The following HR variants were observed in gnomAD, a reference collection of about 807,000 sequenced individuals.
The protein encoded by HR is HR lysine demethylase and nuclear receptor corepressor, also known as lysine-specific demethylase hairless.
A neutral mutation model predicts 128.6 loss-of-function variants in HR; 83 were observed. The observed-to-expected ratio is 0.65, with a 90% CI of 0.54 to 0.77. The LOEUF is 0.77. Ranked by LOEUF, HR falls within the 30% of genes least tolerant of loss-of-function variation. The pLI, the probability that HR is intolerant of heterozygous loss-of-function variation, is 0.00. For synonymous variants in HR, 681 were observed against 658.2 expected (o/e 1.03, Z -0.53); for missense variants, 1,490 against 1,574.6 (o/e 0.95, Z 0.91).
intron 3 of HR, among the ~76,000 whole-genome samples, chr8:22,126,440 G>A (rs911442905): frequency 2.0e-5 from 3 of 152,350 alleles, no homozygotes; most frequent in Non-Finnish European, 2.9e-5. Context: ...CACTGGCAGA[G>A]TCCAAACTGA....
chr8:22,129,845 C>A (rs1827003363), intron 1 of HR, among the ~76,000 whole-genome samples: 1 of 152,236 alleles, frequency 6.6e-6, no homozygotes, highest in East Asian at 1.9e-4. Context: ...CAGCCTCTTC[C>A]CAGAGCCCTG....
At chr8:22,123,617 T>TCGCC in intron 6 of HR, 32 bp downstream of exon 6, 2 of 292,092 alleles carry the variant, frequency 6.8e-6, no homozygotes, top group Admixed American at 5.0e-5. Flanking sequence ...GAGGGCTCCA[T>TCGCC]CCCGCCCTCC....
chr8:22,129,070 T>G lies in HR; in HGVS notation c.101A>C (p.Asp34Ala). The G allele has an allele frequency of 6.3e-7, 1 of 1,581,608 alleles. No homozygotes were observed. The highest frequency in any genetic ancestry group is 8.6e-7 in the Non-Finnish European group (1 of 1,164,410). The change falls in exon 2 of 19, where the codon GAT becomes GCT. Residue 34 changes from aspartate to alanine, a missense_variant. Asp to Ala is a moderately radical substitution (Grantham distance 126). Around this residue, in one of 3 missense-constraint regions of HR, gnomAD observed 1,060 missense variants for 1,060.9 expected, o/e 1.00. Coordinates refer to ENST00000381418, the MANE Select transcript of HR (RefSeq NM_005144.5). Reference sequence around the variant, plus strand: ...GCACAGCGGCCCATGGTGCAGTCCATCTCGAGGCGGGCTGCCGGGCTCCTG... The same window carrying G: ...GCACAGCGGCCCATGGTGCAGTCCAGCTCGAGGCGGGCTGCCGGGCTCCTG... ...VRQEPGSPPR[D>A]GLHHGPLCLG...
intron 2 of HR, 72 bp downstream of exon 2, chr8:22,128,487 G>A: frequency 6.3e-7 from 1 of 1,589,144 alleles, no homozygotes; most frequent in South Asian, 1.1e-5. Context: ...CACAGTGGAA[G>A]GGCATCTTGG....
chr8:22,120,394 C>T lies in HR; in HGVS notation c.2724G>A (p.Gln908=), dbSNP rs757232733. Residue 908 remains glutamine, a synonymous_variant, in exon 12 of 19, where the codon CAG becomes CAA. Coordinates refer to ENST00000381418, the MANE Select transcript of HR (RefSeq NM_005144.5). ...VQALSPLGPP[Q]PSSLGSTTFW... is the part of the protein sequence containing the mutation. ...ATGTTGTGCTGCCCAGGCTGCTGGG[C>T]TGGGGAGGTCCGAGGGGGCTCAGCG... 6.2e-7 allele frequency: 1 copy of T among 1,613,960 alleles called. No homozygotes were observed. The highest frequency in any genetic ancestry group is 1.1e-5 in the South Asian group (1 of 91,086).
chr8:22,117,141 C>T (rs1440371906), intron 16 of HR, 102 bp from the exon 17 acceptor site: 1 of 1,228,640 alleles, frequency 8.1e-7, no homozygotes, highest in South Asian at 1.6e-5. Flanking sequence ...GAGAAAAGAG[C>T]CGAAGGGTCA....
intron 3 of HR, among the ~76,000 whole-genome samples, chr8:22,125,949 C>T (rs542010407): frequency 1.3e-5 from 2 of 152,302 alleles, no homozygotes; most frequent in South Asian, 4.1e-4. Flanking sequence ...TGACATGGAC[C>T]GGCAGCCGAG....
intron 5 of HR, among the ~76,000 whole-genome samples, chr8:22,124,964 G>A (rs1197258506): frequency 6.6e-6 from 1 of 152,180 alleles, no homozygotes; most frequent in Non-Finnish European, 1.5e-5. Context: ...CTGTGCTGCG[G>A]AAGGGCGACC....
chr8:22,124,518 G>A lies in HR; in HGVS notation c.1751-705C>T, dbSNP rs114403890. Among the ~76,000 whole-genome samples, 151 of 152,350 alleles carry A rather than the reference G, an allele frequency of 9.9e-4. 1 individual carries two copies. The highest frequency in any genetic ancestry group is 3.4e-3 in the African/African-American group (142 of 41,586). ...GGTGCAGGGGCCTCAGAGGTGGTTA[G>A]GACTTGCCCCTGCCTCGCAGTGCAC... On this transcript the variant is annotated intron_variant, in intron 5 of 18. Transcript: ENST00000381418.
intron 1 of HR, among the ~76,000 whole-genome samples, chr8:22,129,531 G>C (rs567209906): frequency 6.6e-6 from 1 of 152,374 alleles, no homozygotes; most frequent in Admixed American, 6.5e-5. Flanking sequence ...ACAGAAAGTG[G>C]AAGGCACTGA....
chr8:22,122,270 G>T (rs987943305), intron 8 of HR, among the ~76,000 whole-genome samples: 2 of 152,126 alleles, frequency 1.3e-5, no homozygotes, highest in South Asian at 4.1e-4. Context: ...GAGTAGGGTG[G>T]ATATGCTCCA....
rs1376769026 is a variant in HR at position 22,119,245 on chromosome 8, G to A, written c.3016C>T (p.Leu1006Phe). 6.2e-7 allele frequency: 1 copy of A among 1,613,824 alleles called. No homozygotes were observed. The highest frequency in any genetic ancestry group is 1.1e-5 in the South Asian group (1 of 91,086). ...PHRGHLGTKNLCVEVADLVSI... is the reference protein window; with the variant it reads ...PHRGHLGTKNFCVEVADLVSI... The stretch of plus-strand genomic sequence containing the variant: ...ACCAGGTCGGCCACCTCCACACAGA[G>A]GTTCTTGGTCCCCAGGTGTCCCCGG... Residue 1006 changes from leucine (L) to phenylalanine (F), a missense_variant, in exon 15 of 19, where the codon CTC becomes TTC. Physicochemically the swap from Leu to Phe is conservative, Grantham distance 22 (BLOSUM62 0). Coordinates refer to ENST00000381418, the MANE Select transcript of HR (RefSeq NM_005144.5).
intron 16 of HR, chr8:22,117,422 A>G (rs749416726): frequency 6.1e-5 from 13 of 214,838 alleles, no homozygotes; most frequent in Non-Finnish European, 1.0e-4. Context: ...ACTGTCTACC[A>G]GGACTTCTTC....
At chr8:22,121,715 C>A in intron 8 of HR, 21 bp from the exon 9 acceptor site, 1 of 1,608,518 alleles carries the variant, frequency 6.2e-7, no homozygotes, top group African/African-American at 1.3e-5. Context: ...CATCCACCAC[C>A]CCCCCAATCC....
In HR at chr8:22,120,838, G is replaced by A; in HGVS notation, c.2488C>T (p.Leu830=). ...CGGGGCCGCACTGGAGAGAGGGGCA[G>A]GCCCAGGCCCTTGCGCAGACCCGGG... is the stretch of plus-strand genomic sequence containing the variant. ...AGPGLRKGLG[L]PLSPVRPRLP... Residue 830 remains leucine (L), a synonymous_variant, in exon 11 of 19, where the codon CTG becomes TTG. Coordinates refer to ENST00000381418, the MANE Select transcript of HR (RefSeq NM_005144.5). The A allele has an allele frequency of 1.3e-6, 2 of 1,551,704 alleles. No homozygotes were observed. The highest frequency in any genetic ancestry group is 2.7e-5 in the African/African-American group (2 of 73,256).
chr8:22,129,725 C>A (rs940303663), intron 1 of HR, among the ~76,000 whole-genome samples: 41 of 152,234 alleles, frequency 2.7e-4, no homozygotes, highest in Admixed American at 1.4e-3. Flanking sequence ...ACAGCCCCAG[C>A]CAGGCTTGTA....
Position 22,120,866 on chromosome 8 carries a change from A to G in HR, c.2460T>C (p.Ala820=). 6.4e-7 allele frequency: 1 copy of G among 1,552,200 alleles called. No individual in the cohort carries two copies. The highest frequency in any genetic ancestry group is 1.2e-5 in the South Asian group (1 of 84,322). The part of the protein sequence containing the change: ...QEKALGPGLR[A]GPGLRKGLGL... ...CCAGGCCCTTGCGCAGACCCGGGCC[A>G]GCTCGAAGCCCCGGCCCCAGGGCTT... The change falls in exon 11 of 19, where the codon GCT becomes GCC. Residue 820 remains alanine (A), a synonymous_variant. Coordinates refer to ENST00000381418, the MANE Select transcript of HR (RefSeq NM_005144.5).
Position 22,120,331 on chromosome 8 carries a change from G to C in HR, c.2776+11C>G. ...TCCCAGCTCCCTCTCCCCTGTGTTGGGGACACTTACGCTCAGGCCAGGAGA... is the reference window on the plus strand; with the variant it reads ...TCCCAGCTCCCTCTCCCCTGTGTTGCGGACACTTACGCTCAGGCCAGGAGA... On this transcript the variant is annotated intron_variant, in intron 12 of 18. Coordinates refer to ENST00000381418, the MANE Select transcript of HR (RefSeq NM_005144.5). 1 of 1,613,772 alleles carries C rather than the reference G, an allele frequency of 6.2e-7. No individual in the cohort carries two copies. The highest frequency in any genetic ancestry group is 8.5e-7 in the Non-Finnish European group (1 of 1,180,014).
chr8:22,127,594 G>A lies in HR; in HGVS notation c.848C>T (p.Pro283Leu). 1.2e-6 allele frequency: 2 copies of A among 1,612,042 alleles called. No individual in the cohort carries two copies. ...TVPWTSWPAC[P>L]PGLVHTLGNV... ...GCCAAGAGTATGAACAAGGCCTGGG[G>A]GACAAGCGGGCCAGGAGGTCCAGGG... The change falls in exon 3 of 19, where the codon CCC becomes CTC. Residue 283 changes from proline (P) to leucine (L), a missense_variant. By Grantham distance (98) the Pro-to-Leu change is moderately conservative. Transcript: ENST00000381418.
Sources: gnomAD v4.1 joint callset for allele counts (sites outside exome capture counted in the v4.1 genomes callset) on GRCh38, gnomAD v4.1.1 for gene constraint, gnomAD v4.1.1 regional missense constraint, MANE v1.5 for transcripts, NCBI Gene and HGNC (gene_info 2026-07-23, HGNC 2026-07-21) for gene names.